Variants in RARB observed in about 807,000 individuals in gnomAD.
The protein encoded by RARB is HBV-activated protein.
Under a neutral mutation model 51.9 loss-of-function variants are expected in RARB, and 17 were observed. The ratio of observed to expected loss-of-function variants is 0.33; its 90% confidence interval spans 0.22 to 0.49. The LOEUF (loss-of-function observed/expected upper bound fraction) is 0.49, where lower values mean the gene tolerates loss of function less well. RARB is among the 20% of genes least tolerant of loss of function. The pLI, the probability that RARB is intolerant of heterozygous loss-of-function variation, is 0.99. For missense variants in RARB, 369 were observed against 550.8 expected (o/e 0.67, Z 3.30); for synonymous variants, 215 against 195.4 (o/e 1.10, Z -0.84).
At chr3:24,844,796 C>T (rs375687679) in intron 1 of RARB, among the ~76,000 whole-genome samples, 11 of 152,124 alleles carry the variant, frequency 7.2e-5, no homozygotes, top group Admixed American at 3.9e-4. Flanking sequence ...ACCTGCTTCC[C>T]CAGGGAGTTA....
chr3:25,551,574 T>C (rs184550007), intron 3 of RARB, among the ~76,000 whole-genome samples: 26 of 152,304 alleles, frequency 1.7e-4, no homozygotes, highest in Non-Finnish European at 1.9e-4. Context: ...AGAAGATCAA[T>C]GTGAGGTGCC....
At chr3:25,262,931 T>C (rs1161068391) in intron 5 of RARB, among the ~76,000 whole-genome samples, 2 of 152,198 alleles carry the variant, frequency 1.3e-5, no homozygotes, top group Admixed American at 6.5e-5. Context: ...ATGTTCTCTC[T>C]CTGACTTAAT....
At chr3:25,069,715 G>T (rs1477865616) in intron 3 of RARB, among the ~76,000 whole-genome samples, 1 of 152,196 alleles carries the variant, frequency 6.6e-6, no homozygotes, top group Non-Finnish European at 1.5e-5. Context: ...GGAGGGGGAG[G>T]CAGGGAAAGT....
At chr3:25,400,419 A>G (rs1021831700) in intron 5 of RARB, among the ~76,000 whole-genome samples, 2 of 152,340 alleles carry the variant, frequency 1.3e-5, no homozygotes, top group Admixed American at 1.3e-4. Flanking sequence ...GGAACTGTTT[A>G]TTCCATAATT....
At chr3:25,214,340 T>A (rs2125380307) in intron 5 of RARB, among the ~76,000 whole-genome samples, 1 of 152,272 alleles carries the variant, frequency 6.6e-6, no homozygotes, top group East Asian at 1.9e-4. Flanking sequence ...ACCAATAAGA[T>A]CTTGCCTGTG....
intron 1 of RARB, among the ~76,000 whole-genome samples, chr3:24,830,767 G>C (rs925751053): frequency 2.8e-4 from 42 of 151,936 alleles, no homozygotes; most frequent in Non-Finnish European, 8.8e-5. Flanking sequence ...AGGTAGGAGC[G>C]GGAGAAAGAC....
intron 5 of RARB, among the ~76,000 whole-genome samples, chr3:25,253,921 G>A (rs1003305185): frequency 6.6e-6 from 1 of 152,132 alleles, no homozygotes; most frequent in African/African-American, 2.4e-5. Context: ...AGTTAGAAGG[G>A]CTAGGATATC....
At chr3:24,882,953 T>G (rs901379655) in intron 2 of RARB, among the ~76,000 whole-genome samples, 3 of 152,096 alleles carry the variant, frequency 2.0e-5, no homozygotes, top group Admixed American at 2.0e-4. Context: ...TTTCCTTATT[T>G]ATTCTCTTCT....
At chr3:25,347,393 C>T (rs926954658) in intron 5 of RARB, among the ~76,000 whole-genome samples, 1 of 152,150 alleles carries the variant, frequency 6.6e-6, no homozygotes. Flanking sequence ...TATGGTATAT[C>T]CCATCAAAAG....
intron 5 of RARB, among the ~76,000 whole-genome samples, chr3:25,354,074 T>C (rs17016275): frequency 0.034 from 5,103 of 148,010 alleles, 333 homozygotes; most frequent in African/African-American, 0.12. Flanking sequence ...GGATACTTGA[T>C]TGAAAGATTC....
At chr3:24,981,666 A>G (rs576357721) in intron 2 of RARB, among the ~76,000 whole-genome samples, 2 of 152,208 alleles carry the variant, frequency 1.3e-5, no homozygotes, top group East Asian at 3.9e-4. Context: ...GCAGGAGTGC[A>G]TGGCTCTACC....
At chr3:24,961,059 C>A (rs1225450086) in intron 2 of RARB, among the ~76,000 whole-genome samples, 2 of 152,104 alleles carry the variant, frequency 1.3e-5, no homozygotes, top group African/African-American at 4.8e-5. Context: ...TTTGATAAAA[C>A]TATTAAATAA....
At chr3:25,527,712 G>A (rs1330116445) in intron 3 of RARB, among the ~76,000 whole-genome samples, 4 of 152,184 alleles carry the variant, frequency 2.6e-5, no homozygotes, top group Non-Finnish European at 4.4e-5. Flanking sequence ...TTCGAGGGTA[G>A]ATAGATGCTC....
At chr3:25,418,156 T>C (rs1339794777) in intron 5 of RARB, among the ~76,000 whole-genome samples, 3 of 152,146 alleles carry the variant, frequency 2.0e-5, no homozygotes, top group Non-Finnish European at 2.9e-5. Context: ...GGCTGGGAAA[T>C]ATGGTGTCTA....
At chr3:25,435,494 T>G (rs1018549417) in intron 1 of RARB, among the ~76,000 whole-genome samples, 1 of 152,230 alleles carries the variant, frequency 6.6e-6, no homozygotes, top group Non-Finnish European at 1.5e-5. Context: ...GAAGGCCATT[T>G]CAGCTTCAAA....
At chr3:24,954,014 G>C (rs918478556) in intron 2 of RARB, among the ~76,000 whole-genome samples, 13 of 151,996 alleles carry the variant, frequency 8.6e-5, no homozygotes, top group African/African-American at 3.1e-4. Flanking sequence ...TTTCCTTACT[G>C]TTTACTTGTT....
chr3:25,175,028 C>G (rs1559492610), intron 5 of RARB, among the ~76,000 whole-genome samples: 1 of 152,296 alleles, frequency 6.6e-6, no homozygotes, highest in South Asian at 2.1e-4. Flanking sequence ...TAATTGTTCT[C>G]AACTTCCCAT....
intron 5 of RARB, among the ~76,000 whole-genome samples, chr3:25,264,912 T>C (rs970024184): frequency 2.0e-5 from 3 of 152,192 alleles, no homozygotes; most frequent in African/African-American, 7.2e-5. Flanking sequence ...CAGAAATTCA[T>C]ATGTAAAAAC....
chr3:25,365,173 A>G (rs1409179732), intron 5 of RARB, among the ~76,000 whole-genome samples: 1 of 146,422 alleles, frequency 6.8e-6, no homozygotes, highest in East Asian at 2.0e-4. Flanking sequence ...CAAAAGGTAT[A>G]TAAGCCAACC....
Sources: allele counts gnomAD v4.1 joint callset (sites outside exome capture counted in the v4.1 genomes callset), GRCh38; gene constraint gnomAD v4.1.1; transcripts MANE v1.5; gene names NCBI Gene and HGNC (gene_info 2026-07-23, HGNC 2026-07-21).